The following BORCS8 variants were observed in gnomAD, a reference collection of about 807,000 sequenced individuals.
BORCS8 encodes BLOC-1 related complex subunit 8.
A neutral mutation model predicts 18.7 loss-of-function variants in BORCS8; 13 were observed. The ratio of observed to expected loss-of-function variants is 0.70; its 90% CI spans 0.45 to 1.11. The LOEUF is 1.11. BORCS8 is among the 50% of genes least tolerant of loss of function. The pLI is 0.00. For missense variants in BORCS8, 165 were observed against 165.7 expected (o/e 1.00, Z 0.02); for synonymous variants, 68 against 64.8 (o/e 1.05, Z -0.24).
rs2060357042 is a variant in BORCS8 at position 19,182,314 on chromosome 19, T to C, written c.326+259A>G. 1 of 854,108 alleles carries C rather than the reference T, an allele frequency of 1.2e-6. No individual in the cohort carries two copies. Among genetic ancestry groups the C allele is most frequent in the African/African-American group, 1.7e-5 (1 of 58,258 alleles). The allele number at this position is 854,108 out of a possible 1,614,324, so 52.9% of individuals were successfully genotyped here. A position where few individuals can be genotyped will look rare whatever the true frequency, so the allele number is the denominator to read the frequency against. ...TTTACCTGGTTGTCGTATGTCTCCT[T>C]GTGAGCCTGTCTGTCTCGGTCACTG... is the stretch of plus-strand genomic sequence containing the variant. On this transcript the variant is annotated intron_variant, in intron 4 of 5. Coordinates refer to ENST00000462790, the MANE Select transcript of BORCS8 (RefSeq NM_001145784.2). The surrounding 1 kb of genome is among the most constrained non-coding windows in gnomAD (Gnocchi z 4.1).
intron 3 of BORCS8, among the ~76,000 whole-genome samples, chr19:19,183,188 C>G (rs1002995470): frequency 6.6e-6 from 1 of 152,052 alleles, no homozygotes; most frequent in Admixed American, 6.5e-5. Context: ...GCGGGTGGAT[C>G]ATGAGGTCGG....
chr19:19,190,738 T>C (rs540699312), intron 1 of BORCS8, among the ~76,000 whole-genome samples: 4 of 151,916 alleles, frequency 2.6e-5, no homozygotes, highest in South Asian at 4.2e-4. Context: ...CCGTGAGCCA[T>C]GATCACGCCA....
intron 1 of BORCS8, among the ~76,000 whole-genome samples, chr19:19,187,681 G>C (rs906547841): frequency 1.3e-5 from 2 of 151,172 alleles, no homozygotes; most frequent in Admixed American, 6.6e-5. Context: ...TGGGATTACA[G>C]GCATGCACCA....
Position 19,180,743 on chromosome 19 carries a change from C to G in BORCS8, c.345G>C (p.Pro115=), listed in dbSNP as rs531836910. 3.6e-5 allele frequency: 55 copies of G among 1,549,286 alleles called. No homozygotes were observed. Among genetic ancestry groups the G allele is most frequent in the Non-Finnish European group, 4.8e-5 (55 of 1,146,250 alleles). ...AQGHSPEEPP[P]PSSA is the part of the protein sequence containing the mutation. ...TCTTCCAGGATCAGGCTGAGGAGGG[C>G]GGGGGTGGTTCCTCCGGGCTGCAAC... The change falls in exon 5 of 6, where the codon CCG becomes CCC. Residue 115 remains proline (P), a synonymous_variant. Coordinates refer to ENST00000462790, the MANE Select transcript of BORCS8 (RefSeq NM_001145784.2).
In BORCS8 at chr19:19,192,065, C is replaced by A; in HGVS notation, c.37+16G>T. 6.4e-7 allele frequency: 1 copy of A among 1,551,480 alleles called. No homozygotes were observed. Reference sequence around the variant, plus strand: ...AGTTACCGGCCCCCTCTGTCCCGCCCGCAGGCCCGCACCACCTTTCTTCCC... The same window carrying A: ...AGTTACCGGCCCCCTCTGTCCCGCCAGCAGGCCCGCACCACCTTTCTTCCC... On this transcript the variant is annotated intron_variant, in intron 1 of 5. Transcript: ENST00000462790.
intron 5 of BORCS8, 138 bp downstream of exon 5, chr19:19,180,548 G>A: frequency 1.5e-6 from 1 of 677,856 alleles, no homozygotes; most frequent in Non-Finnish European, 2.7e-6. Flanking sequence ...CCCTCCACCT[G>A]CCACCTCCGA....
At chr19:19,179,977 T>C (rs2060333533) in intron 5 of BORCS8, 1 of 152,784 alleles carries the variant, frequency 6.5e-6, no homozygotes, top group South Asian at 2.1e-4. Flanking sequence ...CCCCTGACTA[T>C]GCAGGTGCAG....
At chr19:19,177,710 A>AGGAAGGAAGG (rs1568562121) in intron 5 of BORCS8, 1 of 92,588 alleles carries the variant, frequency 1.1e-5, no homozygotes, top group Non-Finnish European at 2.2e-5. Context: ...AAAGAAAAGA[A>AGGAAGGAAGG]AAGAAAAGAA....
Position 19,186,985 on chromosome 19 carries a change from T to C in BORCS8, c.58A>G (p.Ser20Gly). ...GKKVTDKFTESVYVLANEPSV... is the reference protein window; with the variant it reads ...GKKVTDKFTEGVYVLANEPSV... Reference sequence around the variant, plus strand: ...GGCTCGTTGGCCAGGACGTAGACGCTCTCAGTGAACTTGTCCGTGACTAGA... The same window carrying C: ...GGCTCGTTGGCCAGGACGTAGACGCCCTCAGTGAACTTGTCCGTGACTAGA... Residue 20 changes from serine to glycine, a missense_variant, in exon 2 of 6, where the codon AGC (serine) becomes GGC (glycine). Ser to Gly is a moderately conservative substitution (Grantham distance 56). Coordinates refer to ENST00000462790, the MANE Select transcript of BORCS8 (RefSeq NM_001145784.2). The C allele has an allele frequency of 1.3e-6, 2 of 1,551,200 alleles. No homozygotes were observed. Among genetic ancestry groups the C allele is most frequent in the Non-Finnish European group, 1.7e-6 (2 of 1,146,812 alleles).
intron 1 of BORCS8, among the ~76,000 whole-genome samples, chr19:19,188,794 CCT>C (rs894440025): frequency 3.3e-5 from 5 of 152,032 alleles, no homozygotes; most frequent in Non-Finnish European, 5.9e-5. Context: ...CCAGCCCTGC[CCT>C]GTTTCCCCTT....
At chr19:19,187,069 CAA>C in intron 1 of BORCS8, 64 bp from the exon 2 acceptor site, 1 of 1,319,222 alleles carries the variant, frequency 7.6e-7, no homozygotes, top group Non-Finnish European at 1.1e-6. Context: ...CCTCATTGCT[CAA>C]GTGTTGAGCC....
chr19:19,188,922 C>T (rs532959709), intron 1 of BORCS8, among the ~76,000 whole-genome samples: 6 of 151,948 alleles, frequency 3.9e-5, no homozygotes, highest in South Asian at 2.1e-4. Context: ...GCAACCTCCA[C>T]CTCCCGGGTT....
At chr19:19,177,890 T>C (rs7256802) in intron 5 of BORCS8, 1 of 151,980 alleles carries the variant, frequency 6.6e-6, no homozygotes, top group Non-Finnish European at 1.5e-5. Flanking sequence ...TTTTTTTGGT[T>C]GGGGGGCGGC....
intron 4 of BORCS8, chr19:19,181,881 G>C (rs2060352633): frequency 1.0e-6 from 1 of 985,452 alleles, no homozygotes; most frequent in African/African-American, 1.7e-5. Flanking sequence ...ATGAGTGTGT[G>C]TTCATAAGCG....
chr19:19,186,513 T>G (rs2060410656), intron 2 of BORCS8, among the ~76,000 whole-genome samples: 1 of 152,138 alleles, frequency 6.6e-6, no homozygotes, highest in Non-Finnish European at 1.5e-5. Flanking sequence ...TCCTGATAAG[T>G]GAGTTCTCAC....
rs1488278214 is a variant in BORCS8 at position 19,182,792 on chromosome 19, G to A, written c.216-109C>T. Reference sequence around the variant, plus strand: ...GCTCGGTGGGTACCTCAGTGATTCTGCGGGCTTCCCGAAGGACTCACAGTG... The same window carrying A: ...GCTCGGTGGGTACCTCAGTGATTCTACGGGCTTCCCGAAGGACTCACAGTG... On this transcript the variant is annotated intron_variant, in intron 3 of 5. Transcript: ENST00000462790. The surrounding 1 kb of genome is among the most constrained non-coding windows in gnomAD (Gnocchi z 4.1). The A allele has an allele frequency of 1.4e-5, 20 of 1,387,432 alleles. No homozygotes were observed. The highest frequency in any genetic ancestry group is 1.8e-5 in the Non-Finnish European group (19 of 1,052,160). The allele number at this position is 1,387,432 out of a possible 1,614,324, so 85.9% of individuals were successfully genotyped here.
At chr19:19,185,371 G>A (rs564857957) in intron 3 of BORCS8, among the ~76,000 whole-genome samples, 1 of 152,326 alleles carries the variant, frequency 6.6e-6, no homozygotes, top group Non-Finnish European at 1.5e-5. Context: ...CCAAAGCACA[G>A]GAGGCAAGGG....
chr19:19,181,376 G>A lies in BORCS8; in HGVS notation c.327-615C>T, dbSNP rs538862957. Among the ~76,000 whole-genome samples, 13 of 152,244 alleles carry A rather than the reference G, an allele frequency of 8.5e-5. No individual in the cohort carries two copies. In the South Asian group the frequency reaches 2.7e-3, roughly 32 times the overall value. Reference sequence around the variant, plus strand: ...ATGTATGTTTTTAAAAGTGGGACAAGGCACTCCAGAGGCCACGTCTGCAAC... The same window carrying A: ...ATGTATGTTTTTAAAAGTGGGACAAAGCACTCCAGAGGCCACGTCTGCAAC... On this transcript the variant is annotated intron_variant, in intron 4 of 5. Coordinates refer to ENST00000462790, the MANE Select transcript of BORCS8 (RefSeq NM_001145784.2).
rs560522065 is a variant in BORCS8, at chr19:19,190,226, C to T, written c.37+1855G>A. ...ACATGTTCACAGGAAAAGTTAAAAG[C>T]TTGGACTTGGGAGAGCAGAGCTTCT... On this transcript the variant is annotated intron_variant, in intron 1 of 5. Transcript: ENST00000462790. Among the ~76,000 whole-genome samples, 17 of 152,342 alleles carry T rather than the reference C, an allele frequency of 1.1e-4. No individual in the cohort carries two copies. The East Asian group carries it at 2.5e-3, about 22-fold the overall frequency.
Sources: allele counts gnomAD v4.1 joint callset (sites outside exome capture counted in the v4.1 genomes callset), GRCh38; gene constraint gnomAD v4.1.1; non-coding constraint Gnocchi (gnomAD v3.1); transcripts MANE v1.5; gene names NCBI Gene and HGNC (gene_info 2026-07-23, HGNC 2026-07-21).